Variants in RABGAP1L observed in about 807,000 individuals in gnomAD.
RABGAP1L encodes the protein rab GTPase-activating protein 1-like.
In RABGAP1L, 63 loss-of-function variants were observed where a neutral mutation model predicts 137.7. That is an observed-to-expected ratio of 0.46 (90% CI 0.37 to 0.56). The LOEUF (loss-of-function observed/expected upper bound fraction) is 0.56, where lower values mean the gene tolerates loss of function less well. Among genes scored for constraint, RABGAP1L ranks in the 20% least tolerant of loss-of-function variants. The probability of loss-of-function intolerance (pLI) is 0.00; values close to 1 mark genes in which losing one functional copy is unlikely to be tolerated. For synonymous variants in RABGAP1L, 431 were observed against 433.7 expected (o/e 0.99, Z 0.08); for missense variants, 1,095 against 1,244.0 (o/e 0.88, Z 1.80).
intron 18 of RABGAP1L, among the ~76,000 whole-genome samples, chr1:174,810,344 C>T (rs1442930339): frequency 6.6e-6 from 1 of 152,126 alleles, no homozygotes; most frequent in African/African-American, 2.4e-5. Flanking sequence ...AATTTAAGTG[C>T]TCAGAGAAGG....
chr1:174,670,271 A>G (rs1677077091), intron 14 of RABGAP1L, among the ~76,000 whole-genome samples: 1 of 150,448 alleles, frequency 6.6e-6, no homozygotes, highest in Non-Finnish European at 1.5e-5. Flanking sequence ...TTGTGGGTAC[A>G]TAGTGGGTGT....
intron 13 of RABGAP1L, among the ~76,000 whole-genome samples, chr1:174,610,247 T>A (rs1407754100): frequency 7.5e-6 from 1 of 134,188 alleles, no homozygotes; most frequent in Non-Finnish European, 1.6e-5. Flanking sequence ...GATGTTCCCC[T>A]TCCTGTGTCC....
chr1:174,900,685 A>G (rs979655256), intron 19 of RABGAP1L, among the ~76,000 whole-genome samples: 2 of 151,946 alleles, frequency 1.3e-5, no homozygotes, highest in Non-Finnish European at 2.9e-5. Flanking sequence ...ACACCCAGCT[A>G]ATTTTTCTAT....
chr1:174,937,656 T>C (rs912561900), intron 19 of RABGAP1L, among the ~76,000 whole-genome samples: 2 of 123,478 alleles, frequency 1.6e-5, no homozygotes, highest in African/African-American at 4.0e-5. Flanking sequence ...GAAACTGTCA[T>C]AAATGTATTA....
Position 174,664,730 on chromosome 1 carries a change from C to CTTTTTTTTTTTTTTTTTTTTTTTTT in RABGAP1L, c.1825-18789_1825-18788insTTTTTTTTTTTTTTTTTTTTTTTTT, listed in dbSNP as rs747671420. Among the ~76,000 whole-genome samples, 32 of 98,898 alleles carry CTTTTTTTTTTTTTTTTTTTTTTTTT rather than the reference C, an allele frequency of 3.2e-4. 7 individuals are homozygous for CTTTTTTTTTTTTTTTTTTTTTTTTT. The highest frequency in any genetic ancestry group is 1.7e-3 in the African/African-American group (27 of 15,670). 64.9% of individuals were successfully genotyped at this position (98,898 alleles called of 152,430 possible). Reference sequence around the variant, plus strand: ...CTCTCTCTTTCTTTCTTTCTTTCTGCTTTCTTTTTTTTTTTTTTTTTTTTT... The same window carrying CTTTTTTTTTTTTTTTTTTTTTTTTT: ...CTCTCTCTTTCTTTCTTTCTTTCTGCTTTTTTTTTTTTTTTTTTTTTTTTTTTTCTTTTTTTTTTTTTTTTTTTTT... On this transcript the variant is annotated intron_variant, in intron 14 of 25. Transcript: ENST00000681986.
chr1:174,812,468 G>T (rs1689967673), intron 19 of RABGAP1L, among the ~76,000 whole-genome samples: 1 of 152,156 alleles, frequency 6.6e-6, no homozygotes, highest in East Asian at 1.9e-4. Context: ...ATTTGAAATT[G>T]AAAACTCTTT....
At chr1:174,731,659 G>C (rs776484874) in intron 17 of RABGAP1L, among the ~76,000 whole-genome samples, 13 of 152,138 alleles carry the variant, frequency 8.5e-5, no homozygotes, top group Non-Finnish European at 1.5e-4. Flanking sequence ...GTCATTCGTA[G>C]ACTCACCCTC....
intron 13 of RABGAP1L, among the ~76,000 whole-genome samples, chr1:174,629,881 A>G (rs1266916845): frequency 6.6e-6 from 1 of 152,122 alleles, no homozygotes; most frequent in Non-Finnish European, 1.5e-5. Context: ...TTTGTCCTTT[A>G]TTTCTTAAAT....
intron 19 of RABGAP1L, among the ~76,000 whole-genome samples, chr1:174,899,300 G>A (rs540625770): frequency 2.4e-4 from 36 of 152,250 alleles, no homozygotes; most frequent in African/African-American, 7.7e-4. Flanking sequence ...AGCTCAGGAG[G>A]GGCTTAAAAT....
intron 13 of RABGAP1L, among the ~76,000 whole-genome samples, chr1:174,626,443 C>G (rs772399589): frequency 1.1e-4 from 17 of 152,224 alleles, no homozygotes; most frequent in Non-Finnish European, 2.1e-4. Context: ...CCTCTCCTCT[C>G]TACACGCCTC....
chr1:174,935,984 CAAAAAAAA>C (rs58215269), intron 19 of RABGAP1L, among the ~76,000 whole-genome samples: 1 of 43,176 alleles, frequency 2.3e-5, no homozygotes, highest in Non-Finnish European at 4.0e-5. Context: ...TCCATCTCAC[CAAAAAAAA>C]AAAAAAAAAA....
intron 19 of RABGAP1L, among the ~76,000 whole-genome samples, chr1:174,825,171 C>G (rs1459085673): frequency 6.6e-6 from 1 of 152,162 alleles, no homozygotes; most frequent in Non-Finnish European, 1.5e-5. Flanking sequence ...TTAATATAGT[C>G]TCTTTTAAAT....
intron 19 of RABGAP1L, among the ~76,000 whole-genome samples, chr1:174,936,753 T>C (rs547281885): frequency 4.7e-4 from 71 of 152,312 alleles, no homozygotes; most frequent in African/African-American, 1.7e-3. Context: ...AAGATGAAAC[T>C]TTACTAAGAA....
chr1:174,813,241 A>T (rs753724145), intron 19 of RABGAP1L, among the ~76,000 whole-genome samples: 3 of 152,188 alleles, frequency 2.0e-5, no homozygotes, highest in Non-Finnish European at 4.4e-5. Flanking sequence ...CCAGGGTGTT[A>T]ACAGTGGAGA....
intron 11 of RABGAP1L, among the ~76,000 whole-genome samples, chr1:174,365,551 A>G (rs1318557538): frequency 6.6e-6 from 1 of 152,068 alleles, no homozygotes; most frequent in Non-Finnish European, 1.5e-5. Context: ...GCTGGTCCAA[A>G]TGCTCCCTCT....
At chr1:174,824,495 TA>T (rs937706402) in intron 19 of RABGAP1L, among the ~76,000 whole-genome samples, 1 of 151,964 alleles carries the variant, frequency 6.6e-6, no homozygotes, top group African/African-American at 2.4e-5. Context: ...ACTCTGTCTC[TA>T]AATAAATAAG....
intron 19 of RABGAP1L, among the ~76,000 whole-genome samples, chr1:174,869,408 A>G (rs1368064155): frequency 6.6e-6 from 1 of 152,050 alleles, no homozygotes; most frequent in East Asian, 1.9e-4. Flanking sequence ...AGCATCTGGC[A>G]TTTCCCCTGC....
chr1:174,872,436 T>C (rs1652354208), intron 19 of RABGAP1L, among the ~76,000 whole-genome samples: 1 of 152,190 alleles, frequency 6.6e-6, no homozygotes, highest in Non-Finnish European at 1.5e-5. Context: ...TTTTCTCTTT[T>C]GTTACCTCAC....
intron 13 of RABGAP1L, among the ~76,000 whole-genome samples, chr1:174,432,523 A>T (rs1205450418): frequency 6.6e-6 from 1 of 151,998 alleles, no homozygotes; most frequent in Non-Finnish European, 1.5e-5. Context: ...TCAGACAATG[A>T]TATTTCTTTT....
Sources: allele counts gnomAD v4.1 joint callset (sites outside exome capture counted in the v4.1 genomes callset), GRCh38; gene constraint gnomAD v4.1.1; transcripts MANE v1.5; gene names NCBI Gene and HGNC (gene_info 2026-07-23, HGNC 2026-07-21).